Variants in SYNDIG1 observed in about 807,000 individuals in gnomAD.
The protein encoded by SYNDIG1 is synapse differentiation-inducing gene protein 1.
Under a neutral mutation model 19.4 loss-of-function variants are expected in SYNDIG1, and 9 were observed. The ratio of observed to expected loss-of-function variants is 0.46; its 90% CI spans 0.28 to 0.81. The LOEUF (loss-of-function observed/expected upper bound fraction) is 0.81. SYNDIG1 is among the 30% of genes least tolerant of loss of function. SYNDIG1 has a pLI of 0.12. For missense variants in SYNDIG1, 311 were observed against 343.3 expected (o/e 0.91, Z 0.74); for synonymous variants, 141 against 145.9 (o/e 0.97, Z 0.24).
chr20:24,648,928 T>A (rs1423045968), intron 3 of SYNDIG1, among the ~76,000 whole-genome samples: 1 of 152,218 alleles, frequency 6.6e-6, no homozygotes, highest in East Asian at 1.9e-4. Flanking sequence ...TTCAGTTATA[T>A]CTTGGATATA....
intron 1 of SYNDIG1, among the ~76,000 whole-genome samples, chr20:24,508,218 A>ATT (rs34436263): frequency 0.17 from 12,512 of 73,106 alleles, 4,451 homozygotes; most frequent in South Asian, 0.22. Flanking sequence ...AAGGAGGATA[A>ATT]TTTTTTTTTT....
chr20:24,665,741 C>A lies in SYNDIG1; in HGVS notation c.*237C>A. ...CCTTCCAAAGGAAAGCTCCAAAGAT[C>A]CCAGCCCGCAAGGCTGTCTCTGGAT... On this transcript the variant is annotated 3_prime_UTR_variant, in exon 4 of 4. Coordinates refer to ENST00000376862, the MANE Select transcript of SYNDIG1 (RefSeq NM_024893.3). The A allele has an allele frequency of 3.8e-6, 2 of 532,798 alleles. No homozygotes were observed. Among genetic ancestry groups the A allele is most frequent in the Admixed American group, 4.3e-5 (1 of 23,188 alleles). The allele number at this position is 532,798 out of a possible 1,614,324, so 33.0% of individuals were successfully genotyped here. A position where few individuals can be genotyped will look rare whatever the true frequency, so the allele number is the denominator to read the frequency against.
chr20:24,527,774 C>A (rs1333480860), intron 1 of SYNDIG1, among the ~76,000 whole-genome samples: 4 of 152,176 alleles, frequency 2.6e-5, no homozygotes, highest in Non-Finnish European at 5.9e-5. Flanking sequence ...TCAGCTGCAG[C>A]AGCGTCACCT....
intron 1 of SYNDIG1, among the ~76,000 whole-genome samples, chr20:24,470,517 G>C (rs2055401523): frequency 6.6e-6 from 1 of 152,132 alleles, no homozygotes; most frequent in African/African-American, 2.4e-5. Context: ...ACGCTTTTTT[G>C]GTTCCAATTT....
chr20:24,473,834 G>A (rs1319768767), intron 1 of SYNDIG1, among the ~76,000 whole-genome samples: 1 of 152,200 alleles, frequency 6.6e-6, no homozygotes, highest in Non-Finnish European at 1.5e-5. Flanking sequence ...TTAACAAGCT[G>A]TGACAACATT....
intron 3 of SYNDIG1, among the ~76,000 whole-genome samples, chr20:24,627,242 A>G (rs1383429044): frequency 2.0e-5 from 3 of 152,174 alleles, no homozygotes; most frequent in Non-Finnish European, 4.4e-5. Context: ...CTGTACCTGT[A>G]AATCCAGTAA....
intron 2 of SYNDIG1, among the ~76,000 whole-genome samples, chr20:24,566,925 T>C (rs2058054358): frequency 6.6e-6 from 1 of 152,176 alleles, no homozygotes; most frequent in African/African-American, 2.4e-5. Context: ...CAAATGCATG[T>C]TCTCTAACCA....
chr20:24,635,466 TA>T (rs1048918745), intron 3 of SYNDIG1, among the ~76,000 whole-genome samples: 1 of 152,182 alleles, frequency 6.6e-6, no homozygotes, highest in African/African-American at 2.4e-5. Context: ...ATTGCTATGA[TA>T]AAAGCTCACT....
At chr20:24,565,468 G>T (rs1423360808) in intron 2 of SYNDIG1, among the ~76,000 whole-genome samples, 1 of 152,206 alleles carries the variant, frequency 6.6e-6, no homozygotes, top group East Asian at 1.9e-4. Flanking sequence ...GTAACTTGAG[G>T]TCCCAGCAGA....
At chr20:24,537,963 C>T (rs1023609864) in intron 1 of SYNDIG1, among the ~76,000 whole-genome samples, 6 of 152,046 alleles carry the variant, frequency 3.9e-5, no homozygotes, top group Non-Finnish European at 8.8e-5. Context: ...GTGCACTTCT[C>T]CTTCCTATCC....
intron 2 of SYNDIG1, 60 bp from the exon 3 acceptor site, chr20:24,584,796 C>G: frequency 6.2e-7 from 1 of 1,611,352 alleles, no homozygotes; most frequent in Non-Finnish European, 8.5e-7. Context: ...CCTGGACACC[C>G]CAGGATGACT....
intron 2 of SYNDIG1, among the ~76,000 whole-genome samples, chr20:24,569,342 T>A (rs1307268647): frequency 6.6e-6 from 1 of 152,196 alleles, no homozygotes; most frequent in East Asian, 1.9e-4. Context: ...ATGTGATGAA[T>A]CTGAGGTTCC....
chr20:24,507,559 G>A (rs571377683), intron 1 of SYNDIG1, among the ~76,000 whole-genome samples: 98 of 152,288 alleles, frequency 6.4e-4, no homozygotes, highest in African/African-American at 2.2e-3. Context: ...TCTGCTGCGC[G>A]CCTGGAGCCG....
At chr20:24,583,394 C>A (rs543170277) in intron 2 of SYNDIG1, among the ~76,000 whole-genome samples, 1 of 152,220 alleles carries the variant, frequency 6.6e-6, no homozygotes, top group Admixed American at 6.5e-5. Context: ...CTCCAGCTTG[C>A]GGCAGGAGGC....
chr20:24,531,631 GA>G (rs11472864), intron 1 of SYNDIG1, among the ~76,000 whole-genome samples: 78 of 150,218 alleles, frequency 5.2e-4, no homozygotes, highest in African/African-American at 1.7e-3. Flanking sequence ...AGACAATTTT[GA>G]AAAAAAAAAT....
chr20:24,538,684 T>C (rs2057408575), intron 1 of SYNDIG1, among the ~76,000 whole-genome samples: 1 of 152,188 alleles, frequency 6.6e-6, no homozygotes, highest in Non-Finnish European at 1.5e-5. Context: ...CATACTGTTT[T>C]CCAAAGCGAC....
chr20:24,482,824 A>G (rs1312475164), intron 1 of SYNDIG1, among the ~76,000 whole-genome samples: 1 of 152,226 alleles, frequency 6.6e-6, no homozygotes, highest in Non-Finnish European at 1.5e-5. Context: ...AAGCTAAAGG[A>G]AAATATGTTG....
chr20:24,573,046 A>G (rs988308505), intron 2 of SYNDIG1, among the ~76,000 whole-genome samples: 1 of 152,050 alleles, frequency 6.6e-6, no homozygotes, highest in Admixed American at 6.5e-5. Context: ...CTGAAGTTTT[A>G]CCCACTGCTC....
At chr20:24,664,352 C>T (rs2059629585) in intron 3 of SYNDIG1, among the ~76,000 whole-genome samples, 1 of 152,126 alleles carries the variant, frequency 6.6e-6, no homozygotes, top group Non-Finnish European at 1.5e-5. Context: ...TGTCACTGAC[C>T]TTAGGTGGAA....
Sources: gnomAD v4.1 joint callset for allele counts (sites outside exome capture counted in the v4.1 genomes callset) on GRCh38, gnomAD v4.1.1 for gene constraint, MANE v1.5 for transcripts, NCBI Gene and HGNC (gene_info 2026-07-23, HGNC 2026-07-21) for gene names.